The following LRRK2 variants were observed in gnomAD, a reference collection of about 807,000 sequenced individuals.
The protein encoded by LRRK2 is leucine rich repeat kinase 2.
Under a neutral mutation model 302.6 loss-of-function variants are expected in LRRK2, and 203 were observed. The ratio of observed to expected loss-of-function variants is 0.67; its 90% confidence interval spans 0.60 to 0.75. LRRK2 has a LOEUF of 0.75. Ranked by LOEUF, LRRK2 falls within the 30% of genes least tolerant of loss-of-function variation. The probability of loss-of-function intolerance (pLI) is 0.00; values close to 1 mark genes in which losing one functional copy is unlikely to be tolerated. For synonymous variants in LRRK2, 1,066 were observed against 1,031.9 expected (o/e 1.03, Z -0.63); for missense variants, 2,830 against 2,951.0 (o/e 0.96, Z 0.95).
In LRRK2 at chr12:40,252,947, A is replaced by G; in HGVS notation, c.1219A>G (p.Met407Val). 1 of 1,613,458 alleles carries G rather than the reference A, an allele frequency of 6.2e-7. No individual in the cohort carries two copies. The highest frequency in any genetic ancestry group is 8.5e-7 in the Non-Finnish European group (1 of 1,179,572). ...TAGGGAAGTGATGCTCTCCATGCTG[A>G]TGCATTCTTCATCAAAGGAAGTTTT... Reference protein sequence around the residue: ...AHREVMLSMLMHSSSKEVFQA... With the variant: ...AHREVMLSMLVHSSSKEVFQA... The change falls in exon 11 of 51, where the codon ATG (methionine) becomes GTG (valine). Residue 407 changes from methionine (M) to valine (V), a missense_variant. Met to Val is a conservative substitution (Grantham distance 21). Coordinates refer to ENST00000298910, the MANE Select transcript of LRRK2 (RefSeq NM_198578.4).
rs534439857 is a variant in LRRK2 at position 40,356,402 on chromosome 12, T to G, written c.6843+215T>G. On this transcript the variant is annotated intron_variant, in intron 46 of 50. Coordinates refer to ENST00000298910, the MANE Select transcript of LRRK2 (RefSeq NM_198578.4). ...TTATATGAATGAACTAAGAATAAAA[T>G]GATAAATGACATCTGATTGATAATA... Among the ~76,000 whole-genome samples, 4 of 152,290 alleles carry G rather than the reference T, an allele frequency of 2.6e-5. No homozygotes were observed. The South Asian group carries it at 6.2e-4, about 24-fold the overall frequency.
intron 6 of LRRK2, 24 bp from the exon 7 acceptor site, chr12:40,243,526 T>C (rs758867233): frequency 1.2e-6 from 2 of 1,608,966 alleles, no homozygotes; most frequent in Middle Eastern, 1.7e-4. Context: ...ACCTTATTGA[T>C]AATTATGATC....
At chr12:40,348,536 T>C (rs1192515655) in intron 43 of LRRK2, 27 bp downstream of exon 43, 27 of 1,448,160 alleles carry the variant, frequency 1.9e-5, no homozygotes, top group Non-Finnish European at 2.5e-5. Flanking sequence ...GTTAATATTT[T>C]GTACAGAACA....
intron 19 of LRRK2, among the ~76,000 whole-genome samples, chr12:40,285,311 A>G (rs1190622198): frequency 2.0e-5 from 3 of 152,066 alleles, no homozygotes; most frequent in Non-Finnish European, 4.4e-5. Context: ...AATTGTTAGT[A>G]CCATGAAGTC....
intron 38 of LRRK2, among the ~76,000 whole-genome samples, chr12:40,325,042 C>T (rs960738514): frequency 6.6e-6 from 1 of 152,180 alleles, no homozygotes; most frequent in African/African-American, 2.4e-5. Context: ...AATCCCAGCA[C>T]TTTGGGAGGC....
intron 39 of LRRK2, among the ~76,000 whole-genome samples, chr12:40,331,165 G>A (rs969325531): frequency 6.6e-6 from 1 of 152,116 alleles, no homozygotes; most frequent in South Asian, 2.1e-4. Context: ...TTCGTATGAA[G>A]TAAGTACTCT....
chr12:40,354,486 A>T lies in LRRK2; in HGVS notation c.6764A>T (p.Lys2255Met), dbSNP rs200762374. The T allele has an allele frequency of 5.5e-5, 88 of 1,613,708 alleles. 1 individual carries two copies. In the Middle Eastern group the frequency reaches 1.8e-3, roughly 33 times the overall value. ...VTCLYCNSFSKQSKQKNFLLV... is the reference protein window; with the variant it reads ...VTCLYCNSFSMQSKQKNFLLV... ...TGTTTGTATTGCAATTCCTTTTCCA[A>T]GCAAAGGTATGGTAGTGAATTTGAT... Residue 2255 changes from lysine to methionine, a missense_variant, in exon 45 of 51, where the codon AAG (lysine) becomes ATG (methionine). Physicochemically the swap from Lys to Met is moderately conservative, Grantham distance 95. This residue lies in a region of LRRK2 where 456 missense variants were observed against 456.3 expected (regional missense o/e 1.00). Coordinates refer to ENST00000298910, the MANE Select transcript of LRRK2 (RefSeq NM_198578.4).
Position 40,322,063 on chromosome 12 carries a change from T to A in LRRK2, c.5199T>A (p.Tyr1733Ter). The A allele has an allele frequency of 6.2e-7, 1 of 1,613,480 alleles. No individual in the cohort carries two copies. The highest frequency in any genetic ancestry group is 8.5e-7 in the Non-Finnish European group (1 of 1,179,510). ...RERALRPNRMYWRQGIYLNWS... is the reference protein window; with the variant it reads ...RERALRPNRM ...GAGCACTTCGCCCAAACAGAATGTATTGGCGACAAGGCATTTACTTAAATT... is the reference window on the plus strand; with the variant it reads ...GAGCACTTCGCCCAAACAGAATGTAATGGCGACAAGGCATTTACTTAAATT... The change falls in exon 36 of 51, where the codon TAT becomes TAA. Residue 1733 changes from tyrosine (Y) to a stop codon, truncating the protein, a stop_gained. Coordinates refer to ENST00000298910, the MANE Select transcript of LRRK2 (RefSeq NM_198578.4). LOFTEE classifies it high-confidence loss of function.
chr12:40,333,633 C>G (rs1420842536), intron 39 of LRRK2, among the ~76,000 whole-genome samples: 2 of 151,852 alleles, frequency 1.3e-5, no homozygotes, highest in Non-Finnish European at 2.9e-5. Flanking sequence ...ATGGGCCACC[C>G]TTACTAAGGC....
chr12:40,246,161 T>C (rs924305970), intron 7 of LRRK2, among the ~76,000 whole-genome samples: 23 of 151,930 alleles, frequency 1.5e-4, no homozygotes, highest in African/African-American at 4.8e-4. Context: ...GTTTTTTCAA[T>C]GTGGGCTTTT....
At chr12:40,253,693 A>G (rs1942380530) in intron 11 of LRRK2, among the ~76,000 whole-genome samples, 1 of 152,160 alleles carries the variant, frequency 6.6e-6, no homozygotes, top group Admixed American at 6.6e-5. Flanking sequence ...ATAATTTTTA[A>G]TAGCTTTGTA....
In LRRK2 at chr12:40,362,577, AT is replaced by A. The variant is rs140826776; in HGVS notation, c.7029-822del. ...GATGCACTAATAAAGACAATTTTAT[AT>A]TTAATAAGGTCTATAATATGACAGT... On this transcript the variant is annotated intron_variant, in intron 47 of 50. Coordinates refer to ENST00000298910, the MANE Select transcript of LRRK2 (RefSeq NM_198578.4). Among the ~76,000 whole-genome samples, 12 of 152,144 alleles carry A rather than the reference AT, an allele frequency of 7.9e-5. No individual in the cohort carries two copies. In the East Asian group the frequency reaches 2.3e-3, roughly 29 times the overall value.
At chr12:40,303,879 T>C (rs1944713480) in intron 26 of LRRK2, 69 bp from the exon 27 acceptor site, 1 of 1,456,696 alleles carries the variant, frequency 6.9e-7, no homozygotes, top group South Asian at 1.1e-5. Flanking sequence ...GGGAAAATTA[T>C]TTGTGATGTT....
rs1363966098 is a variant in LRRK2 at position 40,322,312 on chromosome 12, C to T, written c.5318-7C>T. ...CAAGGTGTTGAGCTCTGTTTTGAAT[C>T]ATGTAGGCTGTATTCTTTTGGGCCA... On this transcript the variant is annotated splice_region_variant and splice_polypyrimidine_tract_variant and intron_variant, in intron 36 of 50. Transcript: ENST00000298910. 2 of 1,612,982 alleles carry T rather than the reference C, an allele frequency of 1.2e-6. No homozygotes were observed. The highest frequency in any genetic ancestry group is 1.7e-6 in the Non-Finnish European group (2 of 1,179,430).
chr12:40,323,692 G>C (rs553901528), intron 38 of LRRK2, among the ~76,000 whole-genome samples: 2 of 152,202 alleles, frequency 1.3e-5, no homozygotes, highest in South Asian at 2.1e-4. Context: ...TGTAGCCATA[G>C]CAGGGGTTTT....
At chr12:40,349,224 T>C (rs1946282621) in intron 43 of LRRK2, among the ~76,000 whole-genome samples, 1 of 152,224 alleles carries the variant, frequency 6.6e-6, no homozygotes, top group Non-Finnish European at 1.5e-5. Flanking sequence ...TTAAAGATAA[T>C]GTGCATATCC....
chr12:40,321,101 T>C lies in LRRK2; in HGVS notation c.5083T>C (p.Tyr1695His). 2 of 1,612,984 alleles carry C rather than the reference T, an allele frequency of 1.2e-6. No homozygotes were observed. Among genetic ancestry groups the C allele is most frequent in the African/African-American group, 2.7e-5 (2 of 74,994 alleles). The change falls in exon 35 of 51, where the codon TAT becomes CAT. Residue 1695 changes from tyrosine (Y) to histidine (H), a missense_variant. Tyr to His is a moderately conservative substitution (Grantham distance 83, BLOSUM62 2). Around this residue, in one of 3 missense-constraint regions of LRRK2, gnomAD observed 2,121 missense variants for 2,148.0 expected, o/e 0.99. Coordinates refer to ENST00000298910, the MANE Select transcript of LRRK2 (RefSeq NM_198578.4). ...GAACTCTGAAATTATCATCCGACTA[T>C]ATGAAATGCCTTATTTTCCAATGGG... Reference protein sequence around the residue: ...CENSEIIIRLYEMPYFPMGFW... With the variant: ...CENSEIIIRLHEMPYFPMGFW...
intron 18 of LRRK2, among the ~76,000 whole-genome samples, chr12:40,279,458 T>A (rs7309197): frequency 0.4 from 60,962 of 151,656 alleles, 12,829 homozygotes; most frequent in South Asian, 0.54. Flanking sequence ...TTAAAATAGT[T>A]GCTCCGCTTT....
intron 13 of LRRK2, among the ~76,000 whole-genome samples, chr12:40,262,419 C>A (rs1464531468): frequency 6.6e-6 from 1 of 151,974 alleles, no homozygotes; most frequent in Non-Finnish European, 1.5e-5. Flanking sequence ...TATAACAGCA[C>A]CAGATTTTCA....
Sources: gnomAD v4.1 joint callset for allele counts (sites outside exome capture counted in the v4.1 genomes callset) on GRCh38, gnomAD v4.1.1 for gene constraint, gnomAD v4.1.1 regional missense constraint, MANE v1.5 for transcripts, NCBI Gene and HGNC (gene_info 2026-07-23, HGNC 2026-07-21) for gene names.